Variants in TOP2A observed in about 807,000 individuals in gnomAD.
TOP2A encodes the protein DNA topoisomerase II alpha.
A neutral mutation model predicts 187.2 loss-of-function variants in TOP2A; 68 were observed. That is an observed-to-expected ratio of 0.36 (90% CI 0.30 to 0.44). The LOEUF is 0.44. Among genes scored for constraint, TOP2A ranks in the 20% least tolerant of loss-of-function variants. TOP2A has a pLI of 1.00. For missense variants in TOP2A, 1,196 were observed against 1,808.7 expected (o/e 0.66, Z 6.14); for synonymous variants, 542 against 593.2 (o/e 0.91, Z 1.25).
chr17:40,401,412 G>GA lies in TOP2A; in HGVS notation c.2433-332dup, dbSNP rs1393750621. Among the ~76,000 whole-genome samples the GA allele has an allele frequency of 5.9e-5, 9 of 152,182 alleles. No homozygotes were observed. The South Asian group carries it at 1.5e-3, about 25-fold the overall frequency. On this transcript the variant is annotated intron_variant, in intron 20 of 34. Transcript: ENST00000423485. ...TCTGATAGGAAAACATTTGAGCAGA[G>GA]AAAAGACACTGAGGGCGCCAGGTGC...
rs762560620 is a variant in TOP2A at position 40,396,418 on chromosome 17, C to T, written c.3585G>A (p.Gly1195=). The change falls in exon 28 of 35, where the codon GGG becomes GGA. Residue 1195 remains glycine (G), a synonymous_variant. Coordinates refer to ENST00000423485, the MANE Select transcript of TOP2A (RefSeq NM_001067.4). ...EKQDEQVGLP[G]KGGKAKGKKT... is the part of the protein sequence containing the mutation. ...TTTTCCCCTTGGCCTTCCCCCCTTT[C>T]CCAGGAAGTCCGACTTGTTCATCTT... 9 of 1,613,790 alleles carry T rather than the reference C, an allele frequency of 5.6e-6. No homozygotes were observed. Among genetic ancestry groups the T allele is most frequent in the Non-Finnish European group, 7.6e-6 (9 of 1,179,860 alleles).
intron 10 of TOP2A, among the ~76,000 whole-genome samples, chr17:40,410,382 T>TG: frequency 6.6e-6 from 1 of 152,170 alleles, no homozygotes. Flanking sequence ...TGAGATGAGT[T>TG]GGAGAAGTAG....
chr17:40,415,458 G>A, intron 4 of TOP2A, among the ~76,000 whole-genome samples: 1 of 152,110 alleles, frequency 6.6e-6, no homozygotes, highest in East Asian at 1.9e-4. Flanking sequence ...TAAGCACCCT[G>A]ATCACCCACT....
At chr17:40,393,297 A>G (rs1223657279) in intron 29 of TOP2A, among the ~76,000 whole-genome samples, 1 of 152,074 alleles carries the variant, frequency 6.6e-6, no homozygotes, top group Non-Finnish European at 1.5e-5. Context: ...ACTGTACTCC[A>G]GCCTGGGAGA....
chr17:40,407,243 GA>G (rs2035260409), intron 13 of TOP2A, among the ~76,000 whole-genome samples: 1 of 152,162 alleles, frequency 6.6e-6, no homozygotes, highest in Non-Finnish European at 1.5e-5. Flanking sequence ...CAGCCTGGGC[GA>G]CAAGGGCGAA....
At chr17:40,417,719 G>T in intron 1 of TOP2A, 52 bp downstream of exon 1, 2 of 1,610,246 alleles carry the variant, frequency 1.2e-6, no homozygotes, top group South Asian at 2.2e-5. Flanking sequence ...CGGCCAGAGA[G>T]ATGCCCGGGC....
chr17:40,389,702 TA>T, intron 34 of TOP2A, 55 bp from the exon 35 acceptor site: 1 of 1,565,826 alleles, frequency 6.4e-7, no homozygotes, highest in Non-Finnish European at 8.6e-7. Context: ...AACATAATTG[TA>T]ATGTAAAAAA....
At chr17:40,407,896 G>T in intron 12 of TOP2A, 71 bp downstream of exon 12, 3 of 1,428,416 alleles carry the variant, frequency 2.1e-6, no homozygotes, top group South Asian at 2.7e-5. Flanking sequence ...CCTAATGAGG[G>T]AATTAAATAT....
At chr17:40,408,201 T>A (rs1267811025) in intron 11 of TOP2A, 77 bp from the exon 12 acceptor site, 1 of 1,183,740 alleles carries the variant, frequency 8.4e-7, no homozygotes, top group East Asian at 2.6e-5. Flanking sequence ...ATGCTGTTTA[T>A]AGCCTTGTGA....
chr17:40,412,838 G>A lies in TOP2A; in HGVS notation c.710C>T (p.Ala237Val). 1 of 1,613,910 alleles carries A rather than the reference G, an allele frequency of 6.2e-7. No individual in the cohort carries two copies. The highest frequency in any genetic ancestry group is 8.5e-7 in the Non-Finnish European group (1 of 1,179,868). Reference protein sequence around the residue: ...KMQSLDKDIVALMVRRAYDIA... With the variant: ...KMQSLDKDIVVLMVRRAYDIA... ...ATCATATGCTCTTCTGACCATTAGTGCAACAATATCTTTGTCCAGGCTTTG... is the reference window on the plus strand; with the variant it reads ...ATCATATGCTCTTCTGACCATTAGTACAACAATATCTTTGTCCAGGCTTTG... Residue 237 changes from alanine to valine, a missense_variant, in exon 7 of 35, where the codon GCA becomes GTA. Transcript: ENST00000423485.
At chr17:40,416,330 T>C in intron 3 of TOP2A, 92 bp downstream of exon 3, 1 of 937,414 alleles carries the variant, frequency 1.1e-6, no homozygotes, top group Non-Finnish European at 1.6e-6. Flanking sequence ...TGATACTTTT[T>C]GTTTTTACTT....
chr17:40,407,409 A>G (rs1189557516), intron 13 of TOP2A, 140 bp downstream of exon 13: 3 of 660,006 alleles, frequency 4.5e-6, no homozygotes, highest in Non-Finnish European at 7.3e-6. Context: ...TGATATAAGC[A>G]TATCTGATTA....
At position 40,400,368 on chromosome 17, in the gene TOP2A, G is replaced by C. The variant is rs373156274; in HGVS notation, c.2841C>G (p.Thr947=). The C allele has an allele frequency of 4.3e-6, 7 of 1,612,978 alleles. No homozygotes were observed. In the South Asian group the frequency reaches 4.4e-5, roughly 10 times the overall value. Reference sequence around the variant, plus strand: ...CTGTTATGAGAGGAGGTGTCTTCTCGGTGCCATTCAACATGGGTTCTAGAA... The same window carrying C: ...CTGTTATGAGAGGAGGTGTCTTCTCCGTGCCATTCAACATGGGTTCTAGAA... ...EQVLEPMLNG[T]EKTPPLITDY... Residue 947 remains threonine, a synonymous_variant, in exon 23 of 35, where the codon ACC becomes ACG. Transcript: ENST00000423485.
chr17:40,415,695 C>T (rs949876504), intron 4 of TOP2A, among the ~76,000 whole-genome samples: 3 of 152,188 alleles, frequency 2.0e-5, no homozygotes, highest in African/African-American at 7.2e-5. Context: ...CGTGCCATGG[C>T]ACACACCCAT....
chr17:40,412,173 G>A (rs1184171518), intron 7 of TOP2A, among the ~76,000 whole-genome samples: 1 of 152,176 alleles, frequency 6.6e-6, no homozygotes, highest in African/African-American at 2.4e-5. Context: ...TCCAGCCTGG[G>A]TGACACAGCG....
chr17:40,412,696 A>G, intron 7 of TOP2A, 63 bp downstream of exon 7: 2 of 1,382,106 alleles, frequency 1.4e-6, no homozygotes, highest in Non-Finnish European at 2.0e-6. Context: ...AAAAAATTCA[A>G]TTTTGCACTT....
chr17:40,415,029 T>TA (rs540201125), intron 4 of TOP2A, among the ~76,000 whole-genome samples: 12 of 151,456 alleles, frequency 7.9e-5, no homozygotes, highest in East Asian at 3.9e-4. Context: ...TTATTATCTA[T>TA]AAAAAAAACT....
chr17:40,388,946 T>C lies in TOP2A; in HGVS notation c.*573A>G, dbSNP rs1376142015. On this transcript the variant is annotated 3_prime_UTR_variant, in exon 35 of 35. Coordinates refer to ENST00000423485, the MANE Select transcript of TOP2A (RefSeq NM_001067.4). ...ACAGCCAAAGTGTTTTTCTTCGGCC[T>C]CTGATGATTTGAGAAGATGAAGAAC... 1 of 209,494 alleles carries C rather than the reference T, an allele frequency of 4.8e-6. No individual in the cohort carries two copies. Among genetic ancestry groups the C allele is most frequent in the Non-Finnish European group, 9.8e-6 (1 of 102,494 alleles). The allele number at this position is 209,494 out of a possible 1,614,324, so 13.0% of individuals were successfully genotyped here.
At chr17:40,404,579 T>C in intron 17 of TOP2A, 88 bp from the exon 18 acceptor site, 3 of 801,604 alleles carry the variant, frequency 3.7e-6, no homozygotes, top group Non-Finnish European at 6.0e-6. Context: ...GAACTAAGAA[T>C]TATTTCTGTA....
Sources: gnomAD v4.1 joint callset for allele counts (sites outside exome capture counted in the v4.1 genomes callset) on GRCh38, gnomAD v4.1.1 for gene constraint, MANE v1.5 for transcripts, NCBI Gene and HGNC (gene_info 2026-07-23, HGNC 2026-07-21) for gene names.